DNM1L: variants seen among roughly 807,000 people sequenced by gnomAD.
The protein encoded by DNM1L is dynamin-1-like protein.
A neutral mutation model predicts 92.8 loss-of-function variants in DNM1L; 33 were observed. That is an observed-to-expected ratio of 0.36 (90% CI 0.27 to 0.48). DNM1L has a LOEUF of 0.48. DNM1L is among the 20% of genes least tolerant of loss of function. The pLI is 0.99. For missense variants in DNM1L, 485 were observed against 888.8 expected (o/e 0.55, Z 5.78); for synonymous variants, 284 against 305.0 (o/e 0.93, Z 0.72).
chr12:32,745,003 T>A lies in DNM1L; in HGVS notation c.*1593T>A, dbSNP rs770425534. ...TGAAGGACTATTGGCAGGGAAAATA[T>A]GAATATGTTAACTTTAGCTTATGGC... On this transcript the variant is annotated 3_prime_UTR_variant, in exon 20 of 20. Transcript: ENST00000549701. 1 of 517,470 alleles carries A rather than the reference T, an allele frequency of 1.9e-6. No individual in the cohort carries two copies. The highest frequency in any genetic ancestry group is 5.5e-5 in the East Asian group (1 of 18,348). The allele number at this position is 517,470 out of a possible 1,614,324, so 32.1% of individuals were successfully genotyped here. A position where few individuals can be genotyped will look rare whatever the true frequency, so the allele number is the denominator to read the frequency against.
In DNM1L at chr12:32,744,576, G is replaced by C. The variant is rs1201135552; in HGVS notation, c.*1166G>C. 1 of 211,310 alleles carries C rather than the reference G, an allele frequency of 4.7e-6. No homozygotes were observed. Among genetic ancestry groups the C allele is most frequent in the Non-Finnish European group, 9.4e-6 (1 of 106,074 alleles). The allele number at this position is 211,310 out of a possible 1,614,324, so 13.1% of individuals were successfully genotyped here. Reference sequence around the variant, plus strand: ...TAAAAATACAAAATTGGCCGGGCGTGGTGGCGCATGCCTGTAATCCCAGCT... The same window carrying C: ...TAAAAATACAAAATTGGCCGGGCGTCGTGGCGCATGCCTGTAATCCCAGCT... On this transcript the variant is annotated 3_prime_UTR_variant, in exon 20 of 20. Transcript: ENST00000549701.
chr12:32,714,931 C>T (rs1398337862), intron 6 of DNM1L, among the ~76,000 whole-genome samples: 3 of 151,908 alleles, frequency 2.0e-5, no homozygotes, highest in Non-Finnish European at 4.4e-5. Flanking sequence ...GCCCGGGAGG[C>T]AGAGGTTGCA....
At chr12:32,701,068 A>T (rs1284903755) in intron 1 of DNM1L, among the ~76,000 whole-genome samples, 1 of 152,168 alleles carries the variant, frequency 6.6e-6, no homozygotes, top group Admixed American at 6.5e-5. Flanking sequence ...TGAGGTCGGG[A>T]GTTCGAGACC....
intron 1 of DNM1L, among the ~76,000 whole-genome samples, chr12:32,688,537 A>G (rs1298070225): frequency 2.6e-5 from 4 of 152,144 alleles, no homozygotes; most frequent in Admixed American, 6.5e-5. Flanking sequence ...ATCTGTTGTT[A>G]GTCTTACTGA....
rs1951736308 is a variant in DNM1L at position 32,679,812 on chromosome 12, C to T, written c.102+347C>T. The stretch of plus-strand genomic sequence containing the variant: ...GCGCGGCCTCGTCCGCGTGCCGCTG[C>T]CTCCAAGGGCACCTGGGGGACGCGC... On this transcript the variant is annotated intron_variant, in intron 1 of 19. Transcript: ENST00000549701. 4 of 1,018,454 alleles carry T rather than the reference C, an allele frequency of 3.9e-6. No individual in the cohort carries two copies. In the South Asian group the frequency reaches 1.8e-4, roughly 47 times the overall value. The allele number at this position is 1,018,454 out of a possible 1,614,324, so 63.1% of individuals were successfully genotyped here.
intron 15 of DNM1L, 78 bp downstream of exon 15, chr12:32,738,020 A>ATC (rs1170382418): frequency 6.9e-7 from 1 of 1,441,562 alleles, no homozygotes; most frequent in Non-Finnish European, 9.7e-7. Flanking sequence ...AATACACTGA[A>ATC]TAGAAGAATA....
At chr12:32,683,277 G>A (rs1951873784) in intron 1 of DNM1L, among the ~76,000 whole-genome samples, 1 of 152,138 alleles carries the variant, frequency 6.6e-6, no homozygotes, top group African/African-American at 2.4e-5. Flanking sequence ...AGGCTGGAGT[G>A]CAGTGGCATA....
intron 1 of DNM1L, among the ~76,000 whole-genome samples, chr12:32,684,376 T>C (rs10771979): frequency 0.15 from 23,445 of 152,274 alleles, 1,914 homozygotes; most frequent in Middle Eastern, 0.21. Context: ...AATCTACTTT[T>C]TGTCTGTATG....
In DNM1L at chr12:32,714,838, C is replaced by A. The variant is rs372992296; in HGVS notation, c.619+1467C>A. Among the ~76,000 whole-genome samples the A allele has an allele frequency of 4.4e-4, 64 of 146,874 alleles. No individual in the cohort carries two copies. In the South Asian group the frequency reaches 4.6e-3, roughly 10 times the overall value. On this transcript the variant is annotated intron_variant, in intron 6 of 19. Coordinates refer to ENST00000549701, the MANE Select transcript of DNM1L (RefSeq NM_012062.5). ...CCCCATCTCTATTAAAAAAAAAAAACCACAAAAAACAATTAGCTGGGTATG... is the reference window on the plus strand; with the variant it reads ...CCCCATCTCTATTAAAAAAAAAAAAACACAAAAAACAATTAGCTGGGTATG...
intron 1 of DNM1L, among the ~76,000 whole-genome samples, chr12:32,695,788 T>C (rs1243375479): frequency 6.6e-6 from 1 of 151,610 alleles, no homozygotes; most frequent in Non-Finnish European, 1.5e-5. Flanking sequence ...ATTAAGTGAA[T>C]GAATGAATGA....
chr12:32,724,587 A>T (rs1352835295), intron 9 of DNM1L, among the ~76,000 whole-genome samples: 13 of 72,028 alleles, frequency 1.8e-4, no homozygotes, highest in African/African-American at 3.5e-4. Flanking sequence ...AAAAAAAAAA[A>T]AAAAAAATAT....
chr12:32,733,925 C>T, intron 13 of DNM1L, 118 bp downstream of exon 13: 3 of 875,204 alleles, frequency 3.4e-6, no homozygotes, highest in Non-Finnish European at 5.6e-6. Flanking sequence ...TTAGTGCCTG[C>T]TGCATGTCAG....
At chr12:32,703,614 CAAAA>C (rs61051514) in intron 2 of DNM1L, among the ~76,000 whole-genome samples, 3 of 86,908 alleles carry the variant, frequency 3.5e-5, no homozygotes, top group Non-Finnish European at 7.6e-5. Flanking sequence ...CATAAACTTT[CAAAA>C]AAAAAAAAAA....
intron 9 of DNM1L, among the ~76,000 whole-genome samples, chr12:32,724,436 C>T (rs1297456391): frequency 4.6e-5 from 7 of 151,090 alleles, no homozygotes; most frequent in Non-Finnish European, 5.9e-5. Context: ...ATTAGCTGGG[C>T]GTGGTGGCAC....
At chr12:32,685,189 G>A (rs895881740) in intron 1 of DNM1L, among the ~76,000 whole-genome samples, 2 of 151,360 alleles carry the variant, frequency 1.3e-5, no homozygotes, top group Admixed American at 6.6e-5. Context: ...CACCCGCCTC[G>A]GCCTCCCAAA....
At chr12:32,726,556 G>T in intron 9 of DNM1L, 1 of 1,191,464 alleles carries the variant, frequency 8.4e-7, no homozygotes, top group Non-Finnish European at 1.2e-6. Context: ...GGGATTGTAT[G>T]CTCACGTAAA....
intron 9 of DNM1L, chr12:32,727,621 G>A: frequency 2.4e-6 from 1 of 412,930 alleles, no homozygotes; most frequent in East Asian, 4.3e-5. Context: ...ACAACACATA[G>A]ATGCCTATAC....
Position 32,738,242 on chromosome 12 carries a change from G to A in DNM1L, c.1675-22G>A, listed in dbSNP as rs376324249. The A allele has an allele frequency of 2.2e-5, 36 of 1,613,054 alleles. No individual in the cohort carries two copies. In the African/African-American group the frequency reaches 4.8e-4, roughly 22 times the overall value. On this transcript the variant is annotated intron_variant, in intron 15 of 19. Transcript: ENST00000549701. ...TTAAATTTTGCTTGTTAAATTGCAT[G>A]TTTTAACATATCTTTTAACAGTTAA...
At chr12:32,686,045 CTTTTTTTTT>C (rs972264615) in intron 1 of DNM1L, among the ~76,000 whole-genome samples, 2 of 82,690 alleles carry the variant, frequency 2.4e-5, no homozygotes, top group South Asian at 7.5e-4. Context: ...TAAAATTAGC[CTTTTTTTTT>C]TTTTTTTTTT....
Sources: gnomAD v4.1 joint callset for allele counts (sites outside exome capture counted in the v4.1 genomes callset) on GRCh38, gnomAD v4.1.1 for gene constraint, MANE v1.5 for transcripts, NCBI Gene and HGNC (gene_info 2026-07-23, HGNC 2026-07-21) for gene names.